BST1: variants seen among roughly 807,000 people sequenced by gnomAD.
BST1 encodes bone marrow stromal cell antigen 1, also known as ADP-ribosyl cyclase/cyclic ADP-ribose hydrolase 2.
In BST1, 49 loss-of-function variants were observed where a neutral mutation model predicts 40.6. The observed-to-expected ratio is 1.21, with a 90% CI of 0.96 to 1.53. The LOEUF is 1.53. Ranked by LOEUF, BST1 falls within the 40% of genes most tolerant of loss-of-function variation. BST1 has a pLI of 0.00. For synonymous variants in BST1, 157 were observed against 159.3 expected (o/e 0.99, Z 0.11); for missense variants, 423 against 395.9 (o/e 1.07, Z -0.58).
chr4:15,713,331 G>A (rs781485884), intron 4 of BST1, among the ~76,000 whole-genome samples: 3 of 150,666 alleles, frequency 2.0e-5, no homozygotes, highest in East Asian at 2.0e-4. Context: ...GACTACAGGC[G>A]TGTGCCACCA....
chr4:15,705,986 G>GCACGAGCA (rs1320388251), intron 2 of BST1, among the ~76,000 whole-genome samples: 4 of 152,204 alleles, frequency 2.6e-5, no homozygotes, highest in Non-Finnish European at 5.9e-5. Flanking sequence ...GTGGGAGCAG[G>GCACGAGCA]TGTCTTACAT....
the BST1 span, among the ~76,000 whole-genome samples, chr4:15,761,482 G>C: frequency 6.6e-6 from 1 of 151,952 alleles, no homozygotes; most frequent in Non-Finnish European, 1.5e-5. Context: ...TAAAAAACAA[G>C]AAAGTAATTT....
chr4:15,712,161 G>GTTA (rs1720253804), intron 4 of BST1, among the ~76,000 whole-genome samples: 1 of 152,154 alleles, frequency 6.6e-6, no homozygotes, highest in Non-Finnish European at 1.5e-5. Flanking sequence ...TTTCCATTAT[G>GTTA]TCCTGGTTAT....
At chr4:15,756,446 G>T in the BST1 span, among the ~76,000 whole-genome samples, 4 of 152,280 alleles carry the variant, frequency 2.6e-5, no homozygotes, top group Admixed American at 1.3e-4. Flanking sequence ...TTGAAAAAAC[G>T]TTGAATTTAT....
At chr4:15,770,232 C>T in the BST1 span, among the ~76,000 whole-genome samples, 1 of 152,112 alleles carries the variant, frequency 6.6e-6, no homozygotes, top group Non-Finnish European at 1.5e-5. Flanking sequence ...TATTCTAGAA[C>T]CAATGTTTCT....
chr4:15,703,269 AC>A lies in BST1; in HGVS notation c.126del (p.Leu43CysfsTer16). On this transcript the variant is annotated frameshift_variant, in exon 1 of 9. Transcript: ENST00000265016. LOFTEE classifies it high-confidence loss of function. Reference protein sequence around the residue: ...ARWRGEGTSAHLRDIFLGRCA... With the variant: ...ARWRGEGTSAXLRDIFLGRCA... ...TGGCGCGGGGAGGGCACCAGCGCAC[AC>A]TTGCGGGACATCTTCCTGGGCCGCT... 5 of 1,538,518 alleles carry A rather than the reference AC, an allele frequency of 3.2e-6. No individual in the cohort carries two copies. The highest frequency in any genetic ancestry group is 4.4e-6 in the Non-Finnish European group (5 of 1,146,834).
chr4:15,728,193 G>A (rs561313098), intron 8 of BST1, among the ~76,000 whole-genome samples: 3 of 152,190 alleles, frequency 2.0e-5, no homozygotes, highest in Admixed American at 1.3e-4. Flanking sequence ...CACAGAGACA[G>A]GACTACTCAT....
At chr4:15,718,623 ACTGCACAGGTGG>A (rs1309194134) in intron 6 of BST1, among the ~76,000 whole-genome samples, 1 of 152,184 alleles carries the variant, frequency 6.6e-6, no homozygotes, top group African/African-American at 2.4e-5. Context: ...CTGGGGACAG[ACTGCACAGGTGG>A]CTGACACCAC....
the BST1 span, among the ~76,000 whole-genome samples, chr4:15,768,765 G>A: frequency 6.6e-6 from 1 of 152,144 alleles, no homozygotes; most frequent in Admixed American, 6.5e-5. Context: ...CAAAGTGCTG[G>A]GATTACAGGC....
the BST1 span, among the ~76,000 whole-genome samples, chr4:15,750,558 A>G: frequency 6.6e-6 from 1 of 152,212 alleles, no homozygotes; most frequent in Non-Finnish European, 1.5e-5. Context: ...ACTATCCAGA[A>G]CTATGCTGTC....
the BST1 span, among the ~76,000 whole-genome samples, chr4:15,756,858 C>A: frequency 6.6e-6 from 1 of 152,158 alleles, no homozygotes; most frequent in Non-Finnish European, 1.5e-5. Flanking sequence ...CTGTGGGAGA[C>A]AAGATGTGCC....
At chr4:15,746,805 G>A in the BST1 span, among the ~76,000 whole-genome samples, 11 of 152,144 alleles carry the variant, frequency 7.2e-5, no homozygotes, top group African/African-American at 2.7e-4. Context: ...ATGTGAGAGG[G>A]GGCTAGGGAC....
the BST1 span, among the ~76,000 whole-genome samples, chr4:15,769,549 G>A: frequency 1.3e-5 from 2 of 152,150 alleles, no homozygotes; most frequent in Non-Finnish European, 2.9e-5. Context: ...GGCTCAAAGA[G>A]CTAGTGGGGG....
intron 7 of BST1, among the ~76,000 whole-genome samples, chr4:15,721,659 G>A (rs531394759): frequency 6.8e-6 from 1 of 146,762 alleles, no homozygotes; most frequent in Non-Finnish European, 1.5e-5. Flanking sequence ...CCTGTCGTGG[G>A]GTAGGGGGAG....
chr4:15,772,007 GTC>G, the BST1 span, among the ~76,000 whole-genome samples: 385 of 147,968 alleles, frequency 2.6e-3, no homozygotes, highest in East Asian at 2.8e-3. Context: ...AACAATGAAG[GTC>G]TCTCTCTCTC....
At chr4:15,766,477 C>T in the BST1 span, among the ~76,000 whole-genome samples, 3 of 151,898 alleles carry the variant, frequency 2.0e-5, no homozygotes, top group Non-Finnish European at 2.9e-5. Flanking sequence ...GAAGGGCAGG[C>T]AGCCCAAGTG....
At chr4:15,743,750 T>C in the BST1 span, among the ~76,000 whole-genome samples, 22 of 152,336 alleles carry the variant, frequency 1.4e-4, no homozygotes, top group Non-Finnish European at 2.5e-4. Context: ...CTGAGATTTT[T>C]ACCCTGGCTT....
At chr4:15,731,317 C>A (rs368808076) in intron 8 of BST1, 2 of 507,676 alleles carry the variant, frequency 3.9e-6, no homozygotes, top group Admixed American at 5.7e-5. Flanking sequence ...ATACTCTTGG[C>A]CAGTTTCTTG....
intron 6 of BST1, among the ~76,000 whole-genome samples, chr4:15,718,168 A>G (rs1376367340): frequency 6.6e-6 from 1 of 152,142 alleles, no homozygotes; most frequent in Non-Finnish European, 1.5e-5. Flanking sequence ...GTCTTCAACA[A>G]GAGAGGACGG....
Sources: allele counts gnomAD v4.1 joint callset (sites outside exome capture counted in the v4.1 genomes callset), GRCh38; gene constraint gnomAD v4.1.1; transcripts MANE v1.5; gene names NCBI Gene and HGNC (gene_info 2026-07-23, HGNC 2026-07-21).